P2RX5: variants seen among roughly 807,000 people sequenced by gnomAD.
The protein encoded by P2RX5 is purinergic receptor P2X 5, also known as P2X purinoceptor 5.
P2RX5 carries 46 observed loss-of-function variants against 54.1 expected under a neutral mutation model. The observed-to-expected ratio is 0.85, with a 90% CI of 0.67 to 1.09. P2RX5 has a LOEUF of 1.09. Ranked by LOEUF, P2RX5 falls within the 50% of genes least tolerant of loss-of-function variation. The pLI is 0.00. For missense variants in P2RX5, 566 were observed against 549.8 expected (o/e 1.03, Z -0.29); for synonymous variants, 226 against 226.4 (o/e 1.00, Z 0.02).
chr17:3,718,648 G>A, the P2RX5 span, among the ~76,000 whole-genome samples: 2 of 152,182 alleles, frequency 1.3e-5, no homozygotes, highest in African/African-American at 2.4e-5. Flanking sequence ...TTTAAAGAAA[G>A]GAATTTTGGG....
the P2RX5 span, among the ~76,000 whole-genome samples, chr17:3,719,797 G>A: frequency 4.0e-4 from 60 of 151,048 alleles, no homozygotes; most frequent in African/African-American, 1.4e-3. Context: ...GTGTGATCTC[G>A]GCTCACTGCA....
chr17:3,711,370 C>CTTTTTTTTTTTTTTTTTTTTTTTTTT, the P2RX5 span, among the ~76,000 whole-genome samples: 37 of 63,096 alleles, frequency 5.9e-4, 8 homozygotes, highest in Non-Finnish European at 8.1e-4. Flanking sequence ...AGCACTCATT[C>CTTTTTTTTTTTTTTTTTTTTTTTTTT]TTTTTTTTTT....
rs1204628882 is a variant in P2RX5 at position 3,688,727 on chromosome 17, G to A, written c.786C>T (p.Asn262=). The A allele has an allele frequency of 1.9e-6, 3 of 1,613,920 alleles. No homozygotes were observed. The highest frequency in any genetic ancestry group is 1.7e-6 in the Non-Finnish European group (2 of 1,179,822). The change falls in exon 8 of 12, where the codon AAC becomes AAT. Residue 262 remains asparagine, a synonymous_variant. Transcript: ENST00000225328. ...CAGAGGCAGCTTTATCAAGATCACA[G>A]TTCCATTCAATATTAATTCCTATCA... ...GGVIGINIEW[N]CDLDKAASEC... is the part of the protein sequence containing the mutation.
chr17:3,711,370 C>CTTTTTTTTTTTTTTTTTTTTTTTTTTTT, the P2RX5 span, among the ~76,000 whole-genome samples: 17 of 63,094 alleles, frequency 2.7e-4, 4 homozygotes, highest in South Asian at 1.4e-3. Flanking sequence ...AGCACTCATT[C>CTTTTTTTTTTTTTTTTTTTTTTTTTTTT]TTTTTTTTTT....
At chr17:3,696,947 GCTCCCCCACAGGCTGGAAGAGACAAGA>G (rs1188262874), upstream of P2RX5, among the ~76,000 whole-genome samples, 1 of 152,136 alleles carries the variant, frequency 6.6e-6, no homozygotes, top group Non-Finnish European at 1.5e-5. Flanking sequence ...GGAAGCCGTG[GCTCCCCCACAGGCTGGAAGAGACAAGA>G]CTTGTCCCAC....
chr17:3,716,558 AAGG>A, the P2RX5 span: 656 of 662,676 alleles, frequency 9.9e-4, 6 homozygotes, highest in African/African-American at 0.01. Context: ...TGTGCAGTTG[AAGG>A]AGGAGAAAAA....
chr17:3,710,020 G>C, the P2RX5 span, among the ~76,000 whole-genome samples: 1 of 152,114 alleles, frequency 6.6e-6, no homozygotes, highest in Non-Finnish European at 1.5e-5. Flanking sequence ...GTAAAATTCT[G>C]GTGCCATTAT....
chr17:3,717,314 C>T, the P2RX5 span: 2 of 153,806 alleles, frequency 1.3e-5, no homozygotes, highest in African/African-American at 4.8e-5. Context: ...GACAAAAGTA[C>T]TGGTCTTCCC....
At chr17:3,689,703 G>A (rs1003669120) in intron 6 of P2RX5, 73 bp from the exon 7 acceptor site, 10 of 1,591,062 alleles carry the variant, frequency 6.3e-6, no homozygotes, top group Admixed American at 3.3e-5. Context: ...GGAGTCACTC[G>A]GTCCCTCACC....
chr17:3,689,197 G>A (rs2050532887), intron 7 of P2RX5, among the ~76,000 whole-genome samples: 1 of 151,764 alleles, frequency 6.6e-6, no homozygotes, highest in African/African-American at 2.4e-5. Flanking sequence ...GTCCCTGGGG[G>A]CAGGTGACTT....
chr17:3,718,724 G>T, the P2RX5 span, among the ~76,000 whole-genome samples: 1 of 152,184 alleles, frequency 6.6e-6, no homozygotes, highest in Admixed American at 6.5e-5. Context: ...TTTAAAATGT[G>T]CACATAAGAA....
chr17:3,689,377 G>T, intron 7 of P2RX5, 115 bp downstream of exon 7: 1 of 982,462 alleles, frequency 1.0e-6, no homozygotes. Flanking sequence ...GGGGGCAGGT[G>T]ACTTTGCAGG....
At chr17:3,682,031 C>A in intron 9 of P2RX5, 53 bp from the exon 10 acceptor site, 2 of 1,262,122 alleles carry the variant, frequency 1.6e-6, no homozygotes, top group Admixed American at 1.8e-5. Flanking sequence ...GAGCACTGTT[C>A]ATTTAGGGCA....
In P2RX5 at chr17:3,696,140, G is replaced by A. The variant is rs926550527; in HGVS notation, c.-135C>T. The stretch of plus-strand genomic sequence containing the variant: ...CGCTCAGCTGCAGCCCGGGGTGTCC[G>A]GCAGGGCTGCGGGGCGCGGGGGCGG... On this transcript the variant is annotated 5_prime_UTR_variant, in exon 1 of 12. Coordinates refer to ENST00000225328, the MANE Select transcript of P2RX5 (RefSeq NM_002561.4). 11 of 910,064 alleles carry A rather than the reference G, an allele frequency of 1.2e-5. No individual in the cohort carries two copies. In the South Asian group the frequency reaches 2.5e-4, roughly 20 times the overall value. The allele number at this position is 910,064 out of a possible 1,614,324, so 56.4% of individuals were successfully genotyped here.
intron 11 of P2RX5, among the ~76,000 whole-genome samples, chr17:3,674,851 C>A (rs2050065943): frequency 6.6e-6 from 1 of 152,192 alleles, no homozygotes; most frequent in Non-Finnish European, 1.5e-5. Flanking sequence ...TCCGACACCC[C>A]ATTCCGTCTG....
intron 11 of P2RX5, among the ~76,000 whole-genome samples, chr17:3,679,368 AC>A (rs2142995851): frequency 6.6e-6 from 1 of 152,296 alleles, no homozygotes; most frequent in African/African-American, 2.4e-5. Context: ...CACAGCAGGC[AC>A]CCATGGCCAT....
At chr17:3,713,623 G>A in the P2RX5 span, among the ~76,000 whole-genome samples, 369 of 151,810 alleles carry the variant, frequency 2.4e-3, 3 homozygotes, top group Middle Eastern at 0.01. Flanking sequence ...GGTGGCGCAT[G>A]CCTGTAATCC....
chr17:3,722,838 T>C, the P2RX5 span, among the ~76,000 whole-genome samples: 1 of 152,236 alleles, frequency 6.6e-6, no homozygotes, highest in African/African-American at 2.4e-5. Flanking sequence ...CACAATCTAA[T>C]GTCTGCTCTT....
At chr17:3,693,558 A>G (rs1244174816) in intron 1 of P2RX5, among the ~76,000 whole-genome samples, 1 of 152,112 alleles carries the variant, frequency 6.6e-6, no homozygotes, top group African/African-American at 2.4e-5. Flanking sequence ...CAACATGGTG[A>G]AACTCCGTGT....
Sources: gnomAD v4.1 joint callset for allele counts (sites outside exome capture counted in the v4.1 genomes callset) on GRCh38, gnomAD v4.1.1 for gene constraint, MANE v1.5 for transcripts, NCBI Gene and HGNC (gene_info 2026-07-23, HGNC 2026-07-21) for gene names.